SLC2A9: variants seen among roughly 807,000 people sequenced by gnomAD.
SLC2A9 encodes the protein solute carrier family 2 member 9.
SLC2A9 carries 39 observed loss-of-function variants against 50.6 expected under a neutral mutation model. That is an observed-to-expected ratio of 0.77 (90% CI 0.60 to 1.01). The LOEUF is 1.01. SLC2A9 is among the 50% of genes least tolerant of loss of function. The pLI is 0.00. For synonymous variants in SLC2A9, 324 were observed against 276.9 expected (o/e 1.17, Z -1.69); for missense variants, 686 against 677.6 (o/e 1.01, Z -0.14).
chr4:9,882,640 C>T (rs978245420), intron 10 of SLC2A9, among the ~76,000 whole-genome samples: 14 of 145,296 alleles, frequency 9.6e-5, no homozygotes, highest in East Asian at 2.0e-4. Context: ...ACCCGGGAGG[C>T]GGAGCTTGCA....
At chr4:9,774,817 CT>C (rs2108822819), downstream of SLC2A9, among the ~76,000 whole-genome samples, 1 of 151,930 alleles carries the variant, frequency 6.6e-6, no homozygotes, top group Non-Finnish European at 1.5e-5. Flanking sequence ...CTACTTCTTT[CT>C]CTTTCTCTCC....
At chr4:9,783,538 C>G (rs1156252476) in intron 3 of SLC2A9, 6 of 1,348,354 alleles carry the variant, frequency 4.4e-6, no homozygotes, top group Admixed American at 2.3e-5. Context: ...CACGCAAATA[C>G]ATGCCTTTCC....
chr4:9,982,791 T>C (rs954528564), intron 4 of SLC2A9, among the ~76,000 whole-genome samples: 1 of 152,230 alleles, frequency 6.6e-6, no homozygotes, highest in Admixed American at 6.5e-5. Context: ...ACCATCAGCA[T>C]TCCTGGAGTG....
At chr4:9,957,607 A>G (rs1751521651) in intron 5 of SLC2A9, among the ~76,000 whole-genome samples, 1 of 152,364 alleles carries the variant, frequency 6.6e-6, no homozygotes. Context: ...ATAGTTGTAA[A>G]TATTATATCT....
intron 2 of SLC2A9, among the ~76,000 whole-genome samples, chr4:9,997,761 C>A (rs1323284870): frequency 4.1e-5 from 6 of 146,058 alleles, no homozygotes; most frequent in South Asian, 2.1e-4. Flanking sequence ...GCAACACACA[C>A]AAAAAAACTA....
chr4:9,850,414 G>T (rs892909964), intron 10 of SLC2A9, among the ~76,000 whole-genome samples: 4 of 152,184 alleles, frequency 2.6e-5, no homozygotes, highest in Non-Finnish European at 5.9e-5. Context: ...CTAGGAGTGT[G>T]ACTGTCAGAC....
intron 10 of SLC2A9, among the ~76,000 whole-genome samples, chr4:9,859,680 T>C (rs1731290790): frequency 6.6e-6 from 1 of 152,242 alleles, no homozygotes; most frequent in African/African-American, 2.4e-5. Flanking sequence ...TGTTTCTGAC[T>C]TCTCTTGGAA....
intron 3 of SLC2A9, among the ~76,000 whole-genome samples, chr4:9,780,274 C>A (rs1477687209): frequency 6.6e-6 from 1 of 152,160 alleles, no homozygotes; most frequent in East Asian, 1.9e-4. Context: ...CACCATCAAA[C>A]AGGATGGAGG....
chr4:9,972,565 G>C (rs971352903), intron 5 of SLC2A9, among the ~76,000 whole-genome samples: 4 of 43,404 alleles, frequency 9.2e-5, no homozygotes, highest in African/African-American at 6.6e-4. Context: ...AGTCTCAGTA[G>C]ATTCAAAAGA....
intron 11 of SLC2A9, among the ~76,000 whole-genome samples, chr4:9,831,036 T>C (rs1314442856): frequency 6.6e-6 from 1 of 152,216 alleles, no homozygotes; most frequent in Non-Finnish European, 1.5e-5. Context: ...ACAGGCGTGA[T>C]TCGTGCCGTT....
At chr4:9,863,697 C>T (rs572016237) in intron 10 of SLC2A9, among the ~76,000 whole-genome samples, 6 of 140,012 alleles carry the variant, frequency 4.3e-5, no homozygotes, top group Non-Finnish European at 6.2e-5. Context: ...AATGCATGTC[C>T]GCTGACCACT....
chr4:9,920,686 C>T (rs1312181649), intron 6 of SLC2A9, 114 bp from the exon 7 acceptor site: 33 of 1,253,010 alleles, frequency 2.6e-5, no homozygotes, highest in Middle Eastern at 1.9e-4. Context: ...TAGCTGGGGG[C>T]GGAACTTGGC....
At chr4:9,811,304 A>C (rs1301922723) in intron 3 of SLC2A9, among the ~76,000 whole-genome samples, 1 of 152,136 alleles carries the variant, frequency 6.6e-6, no homozygotes, top group Non-Finnish European at 1.5e-5. Context: ...GCTGAATTCT[A>C]CTTCCCCTCT....
intron 4 of SLC2A9, among the ~76,000 whole-genome samples, chr4:9,984,449 AG>A (rs778162502): frequency 1.3e-5 from 2 of 151,694 alleles, no homozygotes; most frequent in Non-Finnish European, 3.0e-5. Flanking sequence ...AGAGAGAGAC[AG>A]AGTGTGTGTT....
chr4:9,899,749 A>G lies in SLC2A9; in HGVS notation c.1113+8486T>C, dbSNP rs146985372. Among the ~76,000 whole-genome samples the G allele has an allele frequency of 5.8e-3, 884 of 152,304 alleles. 6 individuals carry two copies. Among genetic ancestry groups the G allele is most frequent in the Non-Finnish European group, 7.6e-3 (519 of 68,022 alleles). On this transcript the variant is annotated intron_variant, in intron 8 of 11. Coordinates refer to ENST00000264784, the MANE Select transcript of SLC2A9 (RefSeq NM_020041.3). Reference sequence around the variant, plus strand: ...ATCCCAGGGTGGCCCATGATCTCTAAGTATAACAAATTAAAATGTCTTGAG... The same window carrying G: ...ATCCCAGGGTGGCCCATGATCTCTAGGTATAACAAATTAAAATGTCTTGAG...
chr4:9,919,607 T>G (rs1743533325), intron 7 of SLC2A9, among the ~76,000 whole-genome samples: 1 of 152,260 alleles, frequency 6.6e-6, no homozygotes, highest in Middle Eastern at 3.4e-3. Context: ...TCCCTCTCTC[T>G]GGGTTCAGTC....
chr4:10,009,395 T>C (rs1411837918), intron 2 of SLC2A9: 1 of 152,250 alleles, frequency 6.6e-6, no homozygotes, highest in African/African-American at 2.4e-5. Context: ...GGTTCTAACA[T>C]CTGTGGCTAA....
intron 6 of SLC2A9, among the ~76,000 whole-genome samples, chr4:9,928,061 G>A (rs1219809366): frequency 6.6e-6 from 1 of 152,148 alleles, no homozygotes; most frequent in Non-Finnish European, 1.5e-5. Flanking sequence ...AGGACCTCTT[G>A]AGCCCAGGAG....
Position 9,772,412 on chromosome 4 carries a change from T to A in SLC2A9, n.182-1043A>T, listed in dbSNP as rs142261771. On this transcript the variant is annotated intron_variant and non_coding_transcript_variant, in intron 1 of 1. Coordinates refer to the SLC2A9 transcript ENST00000508585. ...CCCTGTGGACAGGACAGAGCAGATT[T>A]CTTACTGTGCACATGACCAGCTTTG... Among the ~76,000 whole-genome samples the A allele has an allele frequency of 3.3e-3, 503 of 152,316 alleles. 4 individuals carry two copies. Among genetic ancestry groups the A allele is most frequent in the African/African-American group, 0.011 (476 of 41,552 alleles).
Sources: gnomAD v4.1 joint callset for allele counts (sites outside exome capture counted in the v4.1 genomes callset) on GRCh38, gnomAD v4.1.1 for gene constraint, MANE v1.5 for transcripts, NCBI Gene and HGNC (gene_info 2026-07-23, HGNC 2026-07-21) for gene names.